UBE2D2: variants seen among roughly 807,000 people sequenced by gnomAD.
UBE2D2 encodes ubiquitin-conjugating enzyme E2 D2.
In UBE2D2, 2 loss-of-function variants were observed where a neutral mutation model predicts 24.2. The ratio of observed to expected loss-of-function variants is 0.08; its 90% confidence interval spans 0.03 to 0.26. The LOEUF is 0.26. Among genes scored for constraint, UBE2D2 ranks in the 10% least tolerant of loss-of-function variants. The pLI, the probability that UBE2D2 is intolerant of heterozygous loss-of-function variation, is 1.00. For missense variants in UBE2D2, 44 were observed against 177.6 expected (o/e 0.25, Z 4.28); for synonymous variants, 58 against 56.5 (o/e 1.03, Z -0.12).
At chr5:139,542,925 G>A (rs1752777532) in intron 1 of UBE2D2, among the ~76,000 whole-genome samples, 1 of 152,050 alleles carries the variant, frequency 6.6e-6, no homozygotes, top group Admixed American at 6.6e-5. Context: ...TTGAGACGGA[G>A]TCGCTCTGTC....
chr5:139,534,230 C>T (rs1427955611), intron 1 of UBE2D2, among the ~76,000 whole-genome samples: 2 of 151,288 alleles, frequency 1.3e-5, no homozygotes, highest in Admixed American at 6.6e-5. Context: ...GTCAGGAGTT[C>T]GAGACCAGCC....
chr5:139,561,187 C>G (rs958807732), upstream of UBE2D2: 3 of 152,794 alleles, frequency 2.0e-5, no homozygotes, highest in South Asian at 2.1e-4. Flanking sequence ...TCACGCCCTC[C>G]GGGGCCGTGG....
At chr5:139,570,418 G>A (rs1001748975) in intron 1 of UBE2D2, among the ~76,000 whole-genome samples, 2 of 152,046 alleles carry the variant, frequency 1.3e-5, no homozygotes, top group African/African-American at 2.4e-5. Context: ...TCGGCTCACC[G>A]CAACCTCTGC....
intron 1 of UBE2D2, among the ~76,000 whole-genome samples, chr5:139,566,499 C>T (rs1753222677): frequency 6.6e-6 from 1 of 151,068 alleles, no homozygotes; most frequent in South Asian, 2.1e-4. Context: ...CATGACGAAA[C>T]ATGGTCTTTA....
intron 6 of UBE2D2, 60 bp downstream of exon 6, chr5:139,623,521 T>A: frequency 2.1e-6 from 3 of 1,428,448 alleles, no homozygotes; most frequent in Non-Finnish European, 2.0e-6. Context: ...TTGTCACAAA[T>A]CTTTCTTGTT....
intron 1 of UBE2D2, among the ~76,000 whole-genome samples, chr5:139,531,093 A>AAGAG (rs1176999706): frequency 6.6e-6 from 1 of 152,238 alleles, no homozygotes; most frequent in Non-Finnish European, 1.5e-5. Flanking sequence ...GAAATGAGGG[A>AAGAG]AGAGAGAGAC....
chr5:139,588,721 C>T lies in UBE2D2; in HGVS notation c.25-11651C>T, dbSNP rs531485703. On this transcript the variant is annotated intron_variant, in intron 1 of 6. Coordinates refer to ENST00000398733, the MANE Select transcript of UBE2D2 (RefSeq NM_003339.3). ...ATATTTGATCACTACTGGAAGCTGT[C>T]AACATTGTCACACAGATCGTATTTT... Among the ~76,000 whole-genome samples the T allele has an allele frequency of 7.2e-5, 11 of 152,248 alleles. No individual in the cohort carries two copies. In the South Asian group the frequency reaches 2.1e-3, roughly 29 times the overall value.
chr5:139,531,716 C>T (rs960132644), intron 1 of UBE2D2, among the ~76,000 whole-genome samples: 3 of 151,864 alleles, frequency 2.0e-5, no homozygotes, highest in Admixed American at 2.0e-4. Flanking sequence ...AATCCCAGCA[C>T]TTTGGGAGGC....
At chr5:139,594,444 G>A (rs1247617995) in intron 1 of UBE2D2, among the ~76,000 whole-genome samples, 1 of 151,532 alleles carries the variant, frequency 6.6e-6, no homozygotes, top group Admixed American at 6.6e-5. Context: ...TTGAGACACA[G>A]TCTCTATTGC....
At chr5:139,532,329 C>A (rs1323862764) in intron 1 of UBE2D2, among the ~76,000 whole-genome samples, 2 of 150,316 alleles carry the variant, frequency 1.3e-5, no homozygotes, top group African/African-American at 4.9e-5. Context: ...CAGGCGCCTG[C>A]AACAACTCCC....
chr5:139,547,725 C>T (rs908291759), intron 1 of UBE2D2, among the ~76,000 whole-genome samples: 2 of 151,424 alleles, frequency 1.3e-5, no homozygotes, highest in African/African-American at 4.8e-5. Context: ...GACGGAGTCT[C>T]GCTCTGTTGC....
chr5:139,553,882 C>T (rs538626400), intron 1 of UBE2D2, among the ~76,000 whole-genome samples: 8 of 152,142 alleles, frequency 5.3e-5, no homozygotes, highest in East Asian at 2.0e-4. Flanking sequence ...CAGGTTTAAG[C>T]GATTCTCGTG....
At chr5:139,598,817 C>T (rs1296408730) in intron 1 of UBE2D2, among the ~76,000 whole-genome samples, 1 of 151,634 alleles carries the variant, frequency 6.6e-6, no homozygotes, top group Admixed American at 6.6e-5. Flanking sequence ...GCCACCTTGG[C>T]CTCCCAAAGT....
At position 139,626,832 on chromosome 5, in the gene UBE2D2, TAAAG is replaced by T. The variant is rs1374175700; in HGVS notation, c.*33_*36del. On this transcript the variant is annotated 3_prime_UTR_variant, in exon 7 of 7. Transcript: ENST00000398733. ...GAAATTATTGGATAACCTCTACAAA[TAAAG>T]ATAGGGGAACTCTGAAAGAGAAAGT... 2 of 1,585,750 alleles carry T rather than the reference TAAAG, an allele frequency of 1.3e-6. No homozygotes were observed. The highest frequency in any genetic ancestry group is 1.7e-5 in the Admixed American group (1 of 58,270).
At chr5:139,605,375 G>A (rs953686125) in intron 2 of UBE2D2, among the ~76,000 whole-genome samples, 2 of 151,736 alleles carry the variant, frequency 1.3e-5, no homozygotes, top group Non-Finnish European at 2.9e-5. Context: ...GGCGGATCAC[G>A]AGGTCAGGAG....
At chr5:139,567,838 G>T (rs1753267725) in intron 1 of UBE2D2, among the ~76,000 whole-genome samples, 1 of 152,052 alleles carries the variant, frequency 6.6e-6, no homozygotes. Context: ...CCCGCCTTTT[G>T]TATGGTTTTG....
At chr5:139,530,034 G>T (rs890999923) in intron 1 of UBE2D2, among the ~76,000 whole-genome samples, 10 of 152,112 alleles carry the variant, frequency 6.6e-5, no homozygotes, top group Non-Finnish European at 1.5e-4. Flanking sequence ...TCAATTATTG[G>T]ACAGTATTGC....
At chr5:139,615,113 G>C in intron 5 of UBE2D2, 147 bp downstream of exon 5, 1 of 834,002 alleles carries the variant, frequency 1.2e-6, no homozygotes, top group Non-Finnish European at 1.8e-6. Context: ...AACTGAAAAC[G>C]AGTTGGATTT....
At chr5:139,548,188 A>AT (rs1561498587) in intron 1 of UBE2D2, among the ~76,000 whole-genome samples, 3 of 49,338 alleles carry the variant, frequency 6.1e-5, no homozygotes, top group South Asian at 7.5e-4. Flanking sequence ...AAAAAATAAA[A>AT]AAAAAAAATA....
Sources: allele counts gnomAD v4.1 joint callset (sites outside exome capture counted in the v4.1 genomes callset), GRCh38; gene constraint gnomAD v4.1.1; transcripts MANE v1.5; gene names NCBI Gene and HGNC (gene_info 2026-07-23, HGNC 2026-07-21).